The following ATCAY variants were observed in gnomAD, a reference collection of about 807,000 sequenced individuals.
ATCAY encodes caytaxin.
A neutral mutation model predicts 47.7 loss-of-function variants in ATCAY; 22 were observed. That is an observed-to-expected ratio of 0.46 (90% CI 0.33 to 0.66). The LOEUF is 0.66. Among genes scored for constraint, ATCAY ranks in the 30% least tolerant of loss-of-function variants. The pLI is 0.02. For missense variants in ATCAY, 452 were observed against 515.0 expected (o/e 0.88, Z 1.18); for synonymous variants, 216 against 207.6 (o/e 1.04, Z -0.35).
At chr19:3,924,497 T>C (rs1599151381) in intron 12 of ATCAY, 86 bp from the exon 13 acceptor site, 3 of 1,525,508 alleles carry the variant, frequency 2.0e-6, no homozygotes, top group Admixed American at 1.7e-5. Context: ...GGTGGGATCA[T>C]TGTTTTGGAT....
At chr19:3,905,341 G>A (rs958786035) in intron 3 of ATCAY, 93 bp from the exon 4 acceptor site, 2 of 1,286,576 alleles carry the variant, frequency 1.6e-6, no homozygotes, top group Non-Finnish European at 2.1e-6. Flanking sequence ...TCCCATTCCT[G>A]CATGATGAAA....
chr19:3,912,765 G>A (rs966476765), intron 8 of ATCAY, among the ~76,000 whole-genome samples: 2 of 151,786 alleles, frequency 1.3e-5, no homozygotes, highest in Non-Finnish European at 2.9e-5. Context: ...GCGCACCTGT[G>A]ATCCCAGCTA....
At chr19:3,920,867 G>A in intron 12 of ATCAY, 69 bp downstream of exon 12, 3 of 1,574,314 alleles carry the variant, frequency 1.9e-6, no homozygotes, top group Non-Finnish European at 2.6e-6. Context: ...ATTAGTCAGG[G>A]TTCTCTAGAA....
At chr19:3,893,165 C>G (rs375380580) in intron 2 of ATCAY, among the ~76,000 whole-genome samples, 3,855 of 132,518 alleles carry the variant, frequency 0.029, 76 homozygotes, top group South Asian at 0.066. Context: ...GTGGGGGGGA[C>G]CCCCACTTTT....
At chr19:3,895,987 G>A (rs1208897731) in intron 2 of ATCAY, among the ~76,000 whole-genome samples, 3 of 152,030 alleles carry the variant, frequency 2.0e-5, no homozygotes. Context: ...GAGTAGCTGG[G>A]ATCACAGGCA....
In ATCAY at chr19:3,918,317, G is replaced by A. The variant is rs547562745; in HGVS notation, c.1002-489G>A. 7.2e-5 allele frequency among the ~76,000 whole-genome samples: 11 copies of A among 152,024 alleles called. No homozygotes were observed. The East Asian group carries it at 1.2e-3, about 16-fold the overall frequency. ...GGAGAATCACTTGAACCTGGGAGGCGGAGGTTGCAGTGAGCCGAGATCATG... is the reference window on the plus strand; with the variant it reads ...GGAGAATCACTTGAACCTGGGAGGCAGAGGTTGCAGTGAGCCGAGATCATG... On this transcript the variant is annotated intron_variant, in intron 10 of 12. Transcript: ENST00000450849.
intron 8 of ATCAY, 31 bp downstream of exon 8, chr19:3,910,920 G>C (rs372002065): frequency 1.9e-6 from 3 of 1,610,548 alleles, no homozygotes; most frequent in Non-Finnish European, 2.5e-6. Flanking sequence ...CCCAAGTCCA[G>C]TGGCCTCAGT....
At chr19:3,914,988 A>ACC (rs75713714) in intron 9 of ATCAY, among the ~76,000 whole-genome samples, 5 of 151,338 alleles carry the variant, frequency 3.3e-5, no homozygotes, top group African/African-American at 7.3e-5. Flanking sequence ...CCCCTCAGGG[A>ACC]CCCCCCGGAG....
At chr19:3,924,092 A>G (rs1445905328) in intron 12 of ATCAY, among the ~76,000 whole-genome samples, 1 of 141,456 alleles carries the variant, frequency 7.1e-6, no homozygotes, top group African/African-American at 2.7e-5. Flanking sequence ...GAATAGATGG[A>G]TGAGTGGAGG....
At position 3,905,501 on chromosome 19, in the gene ATCAY, C is replaced by T; in HGVS notation, c.204C>T (p.Ile68=). The change falls in exon 4 of 13, where the codon ATC becomes ATT. Residue 68 remains isoleucine (I), a synonymous_variant. Coordinates refer to ENST00000450849, the MANE Select transcript of ATCAY (RefSeq NM_033064.5). ...GGAAGACGCTGGTGGCCCCAGAGAT[C>T]AACATTTCTCTGGATCAGAGTGAGG... ...RKRKTLVAPE[I]NISLDQSEGS... is the part of the protein sequence containing the mutation. 1 of 1,613,980 alleles carries T rather than the reference C, an allele frequency of 6.2e-7. No individual in the cohort carries two copies. Among genetic ancestry groups the T allele is most frequent in the Non-Finnish European group, 8.5e-7 (1 of 1,179,878 alleles).
chr19:3,927,345 C>T lies in ATCAY; in HGVS notation c.*2753C>T, dbSNP rs1397903431. ...GGTGACCAAAGGCACGCAGCTCCAG[C>T]ATGAATCGTTCTAACCCAACAGTGA... is the stretch of plus-strand genomic sequence containing the variant. On this transcript the variant is annotated 3_prime_UTR_variant, in exon 13 of 13. Coordinates refer to ENST00000450849, the MANE Select transcript of ATCAY (RefSeq NM_033064.5). 6.6e-6 allele frequency: 1 copy of T among 152,268 alleles called. No individual in the cohort carries two copies. The highest frequency in any genetic ancestry group is 2.4e-5 in the African/African-American group (1 of 41,454). 9.4% of individuals were successfully genotyped at this position (152,268 alleles called of 1,614,324 possible).
intron 7 of ATCAY, 127 bp downstream of exon 7, chr19:3,909,744 G>C: frequency 7.3e-7 from 1 of 1,362,230 alleles, no homozygotes; most frequent in South Asian, 1.3e-5. Flanking sequence ...CTTGAGCCCA[G>C]GAGTTTGAGA....
At chr19:3,882,230 G>GC (rs2038608459) in intron 1 of ATCAY, among the ~76,000 whole-genome samples, 2 of 152,156 alleles carry the variant, frequency 1.3e-5, no homozygotes, top group South Asian at 4.1e-4. Context: ...TTGCTATCTT[G>GC]CCCGGGCTGG....
At chr19:3,910,762 G>C (rs373667210) in intron 7 of ATCAY, 41 bp from the exon 8 acceptor site, 2 of 1,604,922 alleles carry the variant, frequency 1.2e-6, no homozygotes, top group East Asian at 2.2e-5. Context: ...CCCAGGGCTC[G>C]CCCCAGGAGC....
chr19:3,885,418 G>A (rs1042090846), intron 1 of ATCAY, among the ~76,000 whole-genome samples: 3 of 151,984 alleles, frequency 2.0e-5, no homozygotes, highest in Non-Finnish European at 4.4e-5. Flanking sequence ...ACCAGGCGTG[G>A]TGATGGGTGC....
At position 3,881,867 on chromosome 19, in the gene ATCAY, C is replaced by G. The variant is rs10413536; in HGVS notation, c.-42+859C>G. Among the ~76,000 whole-genome samples, 937 of 109,460 alleles carry G rather than the reference C, an allele frequency of 8.6e-3. 25 individuals carry two copies. The highest frequency in any genetic ancestry group is 0.047 in the African/African-American group (885 of 18,836). 71.8% of individuals were successfully genotyped at this position (109,460 alleles called of 152,430 possible). A position where few individuals can be genotyped will look rare whatever the true frequency, so the allele number is the denominator to read the frequency against. ...AGGGCCTGGCTGGCTGCTGCCACCG[C>G]CCCCCCCCCGACCCCATAGCATCCA... On this transcript the variant is annotated intron_variant, in intron 1 of 12. Coordinates refer to ENST00000450849, the MANE Select transcript of ATCAY (RefSeq NM_033064.5).
At chr19:3,919,174 A>G (rs2038994165) in intron 11 of ATCAY, among the ~76,000 whole-genome samples, 1 of 151,934 alleles carries the variant, frequency 6.6e-6, no homozygotes, top group Admixed American at 6.6e-5. Context: ...GCTACTTGGG[A>G]GGCCGAGGCA....
chr19:3,882,610 G>C (rs781591803), intron 1 of ATCAY, among the ~76,000 whole-genome samples: 8 of 148,184 alleles, frequency 5.4e-5, no homozygotes, highest in Non-Finnish European at 1.0e-4. Flanking sequence ...GGGATTACAG[G>C]TGTGAGCCAC....
Position 3,924,968 on chromosome 19 carries a change from C to T in ATCAY, c.*376C>T. ...GCTGGATACAAGATTCAAGACCCTT[C>T]TCTTGCTTGTCACCCGCTCCAGGTT... On this transcript the variant is annotated 3_prime_UTR_variant, in exon 13 of 13. Transcript: ENST00000450849. 1 of 191,866 alleles carries T rather than the reference C, an allele frequency of 5.2e-6. No individual in the cohort carries two copies. The highest frequency in any genetic ancestry group is 2.3e-5 in the African/African-American group (1 of 42,902). 11.9% of individuals were successfully genotyped at this position (191,866 alleles called of 1,614,324 possible). A position where few individuals can be genotyped will look rare whatever the true frequency, so the allele number is the denominator to read the frequency against.
Sources: gnomAD v4.1 joint callset for allele counts (sites outside exome capture counted in the v4.1 genomes callset) on GRCh38, gnomAD v4.1.1 for gene constraint, MANE v1.5 for transcripts, NCBI Gene and HGNC (gene_info 2026-07-23, HGNC 2026-07-21) for gene names.